The following TRPM2 variants were observed in gnomAD, a reference collection of about 807,000 sequenced individuals.
The protein encoded by TRPM2 is transient receptor potential cation channel subfamily M member 2, also known as estrogen-responsive element-associated gene 1 protein.
TRPM2 carries 161 observed loss-of-function variants against 174.0 expected under a neutral mutation model. The observed-to-expected ratio is 0.93, with a 90% CI of 0.81 to 1.05. TRPM2 has a LOEUF of 1.05. Among genes scored for constraint, TRPM2 ranks in the 50% least tolerant of loss-of-function variants. The pLI is 0.00. For missense variants in TRPM2, 2,057 were observed against 2,038.0 expected (o/e 1.01, Z -0.18); for synonymous variants, 954 against 861.3 (o/e 1.11, Z -1.88).
intron 19 of TRPM2, among the ~76,000 whole-genome samples, chr21:44,409,242 T>C (rs2050008281): frequency 1.3e-5 from 2 of 152,170 alleles, no homozygotes. Context: ...TTCTACTAAG[T>C]GTTTTATAGC....
Position 44,427,061 on chromosome 21 carries a change from G to A in TRPM2, c.3924G>A (p.Arg1308=), listed in dbSNP as rs774591130. 1 of 1,607,752 alleles carries A rather than the reference G, an allele frequency of 6.2e-7. No homozygotes were observed. Among genetic ancestry groups the A allele is most frequent in the Admixed American group, 1.7e-5 (1 of 59,236 alleles). ...TIQYNVVDGL[R]DRRSFHGPYT... ...AGTACAACGTGGTGGATGGCCTGAG[G>A]GACCGCCGGAGCTTCCACGGGCCGT... Residue 1308 remains arginine (R), a synonymous_variant, in exon 27 of 32, where the codon AGG becomes AGA. Transcript: ENST00000397928.
chr21:44,359,734 CAT>C (rs1480382611), intron 2 of TRPM2, among the ~76,000 whole-genome samples: 1 of 145,562 alleles, frequency 6.9e-6, no homozygotes, highest in Non-Finnish European at 1.5e-5. Flanking sequence ...TATATATACA[CAT>C]ATATATGTAT....
At chr21:44,363,180 G>T (rs928916446) in intron 2 of TRPM2, among the ~76,000 whole-genome samples, 4 of 152,224 alleles carry the variant, frequency 2.6e-5, no homozygotes, top group African/African-American at 7.2e-5. Context: ...AGATTGTAGC[G>T]TGTGTAGGTT....
chr21:44,406,453 A>AGGACT (rs1252449987), intron 18 of TRPM2, 141 bp from the exon 19 acceptor site: 4 of 1,043,902 alleles, frequency 3.8e-6, no homozygotes, highest in Non-Finnish European at 5.4e-6. Context: ...GGGCAGCCCC[A>AGGACT]GGACTGCTCC....
At chr21:44,378,388 G>T (rs144631644) in intron 7 of TRPM2, among the ~76,000 whole-genome samples, 1 of 152,226 alleles carries the variant, frequency 6.6e-6, no homozygotes, top group Non-Finnish European at 1.5e-5. Flanking sequence ...GCAATGTCCC[G>T]TTTATGTTTC....
At position 44,379,035 on chromosome 21, in the gene TRPM2, G is replaced by A. The variant is rs762955013; in HGVS notation, c.1053G>A (p.Val351=). Residue 351 remains valine, a synonymous_variant, in exon 8 of 32, where the codon GTG becomes GTA. Coordinates refer to ENST00000397928, the MANE Select transcript of TRPM2 (RefSeq NM_003307.4). ...CCACCACCAACGGCACCCCCTGTGTGGTTGTGGAGGGCTCGGGCCGCGTGG... is the reference window on the plus strand; with the variant it reads ...CCACCACCAACGGCACCCCCTGTGTAGTTGTGGAGGGCTCGGGCCGCGTGG... ...DNATTNGTPC[V]VVEGSGRVAD... 1.9e-6 allele frequency: 3 copies of A among 1,609,918 alleles called. No homozygotes were observed. Among genetic ancestry groups the A allele is most frequent in the East Asian group, 2.2e-5 (1 of 44,878 alleles).
chr21:44,399,441 G>C lies in TRPM2; in HGVS notation c.2208G>C (p.Gln736His), dbSNP rs755296423. 1 of 1,610,692 alleles carries C rather than the reference G, an allele frequency of 6.2e-7. No individual in the cohort carries two copies. Among genetic ancestry groups the C allele is most frequent in the Admixed American group, 1.7e-5 (1 of 59,804 alleles). The change falls in exon 14 of 32, where the codon CAG becomes CAC. Residue 736 changes from glutamine (Q) to histidine (H), a missense_variant and splice_region_variant. Gln to His is a conservative substitution (Grantham distance 24, BLOSUM62 0). Coordinates refer to ENST00000397928, the MANE Select transcript of TRPM2 (RefSeq NM_003307.4). The surrounding 1 kb of genome is among the most constrained non-coding windows in gnomAD (Gnocchi z 4.6). ...DMKFVSHGGI[Q>H]AFLTKVWWGQ... ...AGTTTGTGTCTCACGGGGGCATCCA[G>C]GTGACCTCCCAAGAGCCCCTTCCAG...
chr21:44,351,916 G>C (rs2122998538), upstream of TRPM2, among the ~76,000 whole-genome samples: 1 of 152,336 alleles, frequency 6.6e-6, no homozygotes, highest in African/African-American at 2.4e-5. Context: ...AAAGATGAGC[G>C]TGTGAACAGA....
intron 19 of TRPM2, among the ~76,000 whole-genome samples, chr21:44,407,080 C>A (rs551685187): frequency 4.4e-5 from 6 of 137,522 alleles, no homozygotes; most frequent in Non-Finnish European, 9.5e-5. Flanking sequence ...TCCCCTTTCC[C>A]TCTCACCTCA....
chr21:44,427,748 G>A (rs540564341), intron 27 of TRPM2, among the ~76,000 whole-genome samples: 167 of 152,284 alleles, frequency 1.1e-3, no homozygotes, highest in Non-Finnish European at 2.0e-3. Context: ...GGGGGACTGC[G>A]TGGCAGGCCT....
intron 2 of TRPM2, among the ~76,000 whole-genome samples, chr21:44,362,618 T>C (rs2048248601): frequency 6.6e-6 from 1 of 152,218 alleles, no homozygotes; most frequent in South Asian, 2.1e-4. Flanking sequence ...CTCTTTTTGT[T>C]ATTCTTTCTT....
At chr21:44,378,209 AGGCAGCTTGAATGCGCTGCTCTGCC>A (rs2048763625) in intron 7 of TRPM2, among the ~76,000 whole-genome samples, 1 of 152,242 alleles carries the variant, frequency 6.6e-6, no homozygotes. Context: ...CAGATTTGGC[AGGCAGCTTGAATGCGCTGCTCTGCC>A]GGCCTTCCTT....
chr21:44,430,970 T>C lies in TRPM2; in HGVS notation c.3974+3859T>C, dbSNP rs1303641366. Among the ~76,000 whole-genome samples, 3 of 151,534 alleles carry C rather than the reference T, an allele frequency of 2.0e-5. No homozygotes were observed. In the East Asian group the frequency reaches 5.8e-4, roughly 29 times the overall value. ...TTTATTATGTATTTCTCTTCTTTTT[T>C]TTTTTGATTATTCTTGCCAGTGGCT... On this transcript the variant is annotated intron_variant, in intron 27 of 31. Coordinates refer to ENST00000397928, the MANE Select transcript of TRPM2 (RefSeq NM_003307.4).
At chr21:44,371,132 C>A (rs1197108859) in intron 5 of TRPM2, among the ~76,000 whole-genome samples, 1 of 152,258 alleles carries the variant, frequency 6.6e-6, no homozygotes, top group Non-Finnish European at 1.5e-5. Context: ...CCTCTAGGGC[C>A]TAGGGGAAGA....
At position 44,412,394 on chromosome 21, in the gene TRPM2, G is replaced by A. The variant is rs2050136457; in HGVS notation, c.2963-1497G>A. On this transcript the variant is annotated intron_variant, in intron 19 of 31. Transcript: ENST00000397928. ...TTTTTTTAGCATACAATTTTCTCTA[G>A]GATTTCCTTTGAGTTCTTTTTCTTT... Among the ~76,000 whole-genome samples the A allele has an allele frequency of 2.6e-5, 4 of 152,048 alleles. No homozygotes were observed. The South Asian group carries it at 8.3e-4, about 32-fold the overall frequency.
upstream of TRPM2, chr21:44,350,155 G>A: frequency 6.6e-6 from 1 of 152,490 alleles, no homozygotes; most frequent in Non-Finnish European, 1.5e-5. Context: ...CGCTGCGGGC[G>A]GCTCCACTGC....
At chr21:44,387,959 G>A (rs1415148306) in intron 9 of TRPM2, among the ~76,000 whole-genome samples, 2 of 152,202 alleles carry the variant, frequency 1.3e-5, no homozygotes, top group South Asian at 4.1e-4. Flanking sequence ...GTAACATGGT[G>A]CAGCTGCCGT....
At chr21:44,416,589 C>T (rs1785464) in intron 20 of TRPM2, 121,829 of 177,730 alleles carry the variant, frequency 0.69, 43,196 homozygotes, top group Non-Finnish European at 0.77. Context: ...ACACCCACTT[C>T]GTGTTATTAG....
At position 44,426,997 on chromosome 21, in the gene TRPM2, C is replaced by T. The variant is rs1292964483; in HGVS notation, c.3873-13C>T. 3.8e-6 allele frequency: 6 copies of T among 1,580,556 alleles called. No individual in the cohort carries two copies. In the Admixed American group the frequency reaches 1.1e-4, roughly 29 times the overall value. On this transcript the variant is annotated splice_polypyrimidine_tract_variant and intron_variant, in intron 26 of 31. Coordinates refer to ENST00000397928, the MANE Select transcript of TRPM2 (RefSeq NM_003307.4). Reference sequence around the variant, plus strand: ...ACACGGGCACACAGACACGCCTTCTCCTCTGCTCCCAGCACCCTGGAGCCA... The same window carrying T: ...ACACGGGCACACAGACACGCCTTCTTCTCTGCTCCCAGCACCCTGGAGCCA...
Sources: gnomAD v4.1 joint callset for allele counts (sites outside exome capture counted in the v4.1 genomes callset) on GRCh38, gnomAD v4.1.1 for gene constraint, Gnocchi (gnomAD v3.1) non-coding constraint, MANE v1.5 for transcripts, NCBI Gene and HGNC (gene_info 2026-07-23, HGNC 2026-07-21) for gene names.